AGBL1: variants seen among roughly 807,000 people sequenced by gnomAD.
AGBL1 encodes the protein AGBL carboxypeptidase 1, also known as cytosolic carboxypeptidase 4.
A neutral mutation model predicts 118.9 loss-of-function variants in AGBL1; 130 were observed. The ratio of observed to expected loss-of-function variants is 1.09; its 90% confidence interval spans 0.95 to 1.26. The LOEUF is 1.26. Among genes scored for constraint, AGBL1 ranks in the 50% most tolerant of loss-of-function variants. The pLI is 0.00. For synonymous variants in AGBL1, 555 were observed against 478.9 expected, an observed-to-expected ratio of 1.16 and a Z score of -2.08; for missense variants, 1,584 against 1,298.1, an observed-to-expected ratio of 1.22 and a Z score of -3.38.
chr15:86,495,391 C>T (rs1415465902), intron 18 of AGBL1, among the ~76,000 whole-genome samples: 11 of 111,160 alleles, frequency 9.9e-5, no homozygotes, highest in Non-Finnish European at 1.5e-4. Context: ...ATACCTCTAT[C>T]TTTTTTTTAA....
chr15:86,735,448 G>C (rs1034682093), intron 22 of AGBL1, among the ~76,000 whole-genome samples: 12 of 151,896 alleles, frequency 7.9e-5, no homozygotes, highest in Admixed American at 6.6e-5. Flanking sequence ...AATGCTGAGT[G>C]GGCAGATTTC....
At chr15:86,727,191 T>C (rs2086833887) in intron 22 of AGBL1, among the ~76,000 whole-genome samples, 1 of 152,086 alleles carries the variant, frequency 6.6e-6, no homozygotes, top group Non-Finnish European at 1.5e-5. Context: ...GATTGCACCA[T>C]TTAAATGTAT....
At chr15:86,409,599 C>G (rs1384287334) in intron 18 of AGBL1, among the ~76,000 whole-genome samples, 4 of 152,108 alleles carry the variant, frequency 2.6e-5, no homozygotes, top group Non-Finnish European at 5.9e-5. Context: ...CAGCATAAAC[C>G]TAATTTATGC....
At chr15:86,928,397 C>G (rs899572417) in intron 23 of AGBL1, among the ~76,000 whole-genome samples, 27 of 152,152 alleles carry the variant, frequency 1.8e-4, no homozygotes, top group African/African-American at 6.5e-4. Flanking sequence ...ATTTTCAGGT[C>G]CCGTCTGAGT....
At chr15:86,759,145 A>G (rs979103325) in intron 22 of AGBL1, among the ~76,000 whole-genome samples, 7 of 152,064 alleles carry the variant, frequency 4.6e-5, no homozygotes, top group Admixed American at 1.3e-4. Flanking sequence ...TTAATACAAA[A>G]TCTTGCAGGA....
intron 22 of AGBL1, among the ~76,000 whole-genome samples, chr15:86,764,921 G>A (rs1034294711): frequency 3.3e-5 from 5 of 151,990 alleles, no homozygotes; most frequent in African/African-American, 1.2e-4. Flanking sequence ...AAAGAATATT[G>A]ATCCTCTGTA....
At chr15:86,712,746 C>A (rs2086580489) in intron 22 of AGBL1, among the ~76,000 whole-genome samples, 1 of 152,116 alleles carries the variant, frequency 6.6e-6, no homozygotes, top group Non-Finnish European at 1.5e-5. Context: ...GCATCTGGTC[C>A]AATTCCGGAC....
At chr15:86,162,219 G>A (rs1281590538) in intron 5 of AGBL1, among the ~76,000 whole-genome samples, 5 of 152,140 alleles carry the variant, frequency 3.3e-5, no homozygotes, top group Admixed American at 2.0e-4. Flanking sequence ...TCGCATGTCA[G>A]GGGGCATGGA....
intron 22 of AGBL1, among the ~76,000 whole-genome samples, chr15:86,869,152 G>A (rs2079682827): frequency 3.3e-5 from 5 of 152,200 alleles, no homozygotes; most frequent in Non-Finnish European, 7.3e-5. Context: ...CTGATAAACT[G>A]TCTAATGGTC....
At chr15:86,579,954 G>A (rs2084151486) in intron 21 of AGBL1, among the ~76,000 whole-genome samples, 1 of 152,216 alleles carries the variant, frequency 6.6e-6, no homozygotes, top group South Asian at 2.1e-4. Context: ...TGTCTTGTGG[G>A]ATGTTTGGAT....
At chr15:86,313,501 AG>A (rs1597719559) in intron 17 of AGBL1, among the ~76,000 whole-genome samples, 1 of 152,220 alleles carries the variant, frequency 6.6e-6, no homozygotes, top group African/African-American at 2.4e-5. Flanking sequence ...CACAAGGAAA[AG>A]GAAAGCGAAA....
Position 86,264,277 on chromosome 15 carries a change from G to A in AGBL1, c.1106G>A (p.Gly369Glu). The A allele has an allele frequency of 8.7e-6, 14 of 1,600,660 alleles. No homozygotes were observed. The highest frequency in any genetic ancestry group is 1.2e-5 in the Non-Finnish European group (14 of 1,173,686). Residue 369 changes from glycine to glutamate, a missense_variant, in exon 11 of 23, where the codon GGA (glycine) becomes GAA (glutamate). Gly to Glu is a moderately conservative substitution (Grantham distance 98). Transcript: ENST00000614907. ...CTGAAGGAACTGCAGTCCAAACTTG[G>A]AGATGATTTGAACTCTGAAAAGACT... ...YSFEELQSKL[G>E]DDLNSEKTQY...
At chr15:86,338,611 C>T (rs1381982682) in intron 17 of AGBL1, among the ~76,000 whole-genome samples, 1 of 152,024 alleles carries the variant, frequency 6.6e-6, no homozygotes, top group Non-Finnish European at 1.5e-5. Context: ...AGGGGGGTGG[C>T]TGTATTTTGG....
intron 21 of AGBL1, among the ~76,000 whole-genome samples, chr15:86,577,523 A>C (rs1454298300): frequency 6.6e-6 from 1 of 152,224 alleles, no homozygotes. Flanking sequence ...AATTTGCATA[A>C]GTAACAAGGA....
intron 18 of AGBL1, among the ~76,000 whole-genome samples, chr15:86,465,004 A>G (rs1018534304): frequency 1.3e-5 from 2 of 151,970 alleles, no homozygotes; most frequent in African/African-American, 4.8e-5. Context: ...GTGTTTTCCA[A>G]CTTGGTTCCA....
intron 7 of AGBL1, among the ~76,000 whole-genome samples, chr15:86,253,335 C>T (rs2078846331): frequency 6.6e-6 from 1 of 152,178 alleles, no homozygotes; most frequent in Non-Finnish European, 1.5e-5. Flanking sequence ...ACTGCAGCCT[C>T]CGCCTCCTGA....
downstream of AGBL1, among the ~76,000 whole-genome samples, chr15:86,918,709 G>A (rs541031496): frequency 1.3e-5 from 2 of 152,096 alleles, no homozygotes; most frequent in Non-Finnish European, 2.9e-5. Context: ...ATCTTACCAT[G>A]GGCTGATGGT....
chr15:86,690,047 C>T lies in AGBL1; in HGVS notation c.3158+15611C>T, dbSNP rs78474569. Among the ~76,000 whole-genome samples the T allele has an allele frequency of 6.0e-3, 916 of 152,148 alleles. 25 individuals are homozygous for T. In the East Asian group the frequency reaches 0.07, roughly 12 times the overall value. On this transcript the variant is annotated intron_variant, in intron 22 of 22. Transcript: ENST00000614907. The stretch of plus-strand genomic sequence containing the variant: ...GGTTTCTGTTTTGCTGTGGTCAACA[C>T]AAAACCTAGAATATTATGGTTCATT...
intron 5 of AGBL1, among the ~76,000 whole-genome samples, chr15:86,169,652 T>G (rs904386478): frequency 1.2e-4 from 18 of 152,346 alleles, no homozygotes; most frequent in African/African-American, 4.3e-4. Flanking sequence ...GTAAATGCTA[T>G]GTAAATAAGT....
Sources: allele counts gnomAD v4.1 joint callset (sites outside exome capture counted in the v4.1 genomes callset), GRCh38; gene constraint gnomAD v4.1.1; transcripts MANE v1.5; gene names NCBI Gene and HGNC (gene_info 2026-07-23, HGNC 2026-07-21).